Variants in GAPVD1 observed in about 807,000 individuals in gnomAD.
The protein encoded by GAPVD1 is GTPase activating protein and VPS9 domains 1.
Under a neutral mutation model 155.5 loss-of-function variants are expected in GAPVD1, and 35 were observed. That is an observed-to-expected ratio of 0.23 (90% CI 0.17 to 0.30). The LOEUF (loss-of-function observed/expected upper bound fraction) is 0.30. Among genes scored for constraint, GAPVD1 ranks in the 10% least tolerant of loss-of-function variants. GAPVD1 has a pLI of 1.00. For synonymous variants in GAPVD1, 636 were observed against 619.7 expected (o/e 1.03, Z -0.39); for missense variants, 1,429 against 1,775.7 (o/e 0.80, Z 3.51).
intron 5 of GAPVD1, among the ~76,000 whole-genome samples, chr9:125,304,794 CT>C (rs531318495): frequency 6.6e-6 from 1 of 152,040 alleles, no homozygotes; most frequent in African/African-American, 2.4e-5. Context: ...ATGTATTGTG[CT>C]TTTTTTCCCT....
chr9:125,333,329 C>T (rs1436142360), intron 15 of GAPVD1, among the ~76,000 whole-genome samples: 2 of 152,032 alleles, frequency 1.3e-5, no homozygotes, highest in Non-Finnish European at 1.5e-5. Context: ...ATCCACCTGC[C>T]TCGGCCTCCC....
chr9:125,310,563 G>C (rs1371729388), intron 8 of GAPVD1, among the ~76,000 whole-genome samples: 2 of 148,032 alleles, frequency 1.4e-5, no homozygotes, highest in African/African-American at 5.0e-5. Flanking sequence ...TTTTGAGGCG[G>C]AGTCTAGCTC....
intron 15 of GAPVD1, among the ~76,000 whole-genome samples, chr9:125,333,208 G>A (rs1846338783): frequency 6.6e-6 from 1 of 151,830 alleles, no homozygotes; most frequent in African/African-American, 2.4e-5. Flanking sequence ...AGCCTCCCCA[G>A]TAGCTTGGAT....
Position 125,302,887 on chromosome 9 carries a change from TG to T in GAPVD1, c.1029+66del, listed in dbSNP as rs1841119580. On this transcript the variant is annotated intron_variant, in intron 5 of 27. Coordinates refer to ENST00000297933, the MANE Select transcript of GAPVD1 (RefSeq NM_001282680.3). ...GTTTAAAATTCAGTTGATTGGGCTG[TG>T]GGGGTGGGAACAAATAATACGATGA... 13 of 1,526,632 alleles carry T rather than the reference TG, an allele frequency of 8.5e-6. No individual in the cohort carries two copies. In the South Asian group the frequency reaches 1.6e-4, roughly 19 times the overall value. 94.6% of individuals were successfully genotyped at this position (1,526,632 alleles called of 1,614,324 possible). A position where few individuals can be genotyped will look rare whatever the true frequency, so the allele number is the denominator to read the frequency against.
In GAPVD1 at chr9:125,365,633, C is replaced by G. The variant is rs1164484833; in HGVS notation, c.*2887C>G. 3 of 152,166 alleles carry G rather than the reference C, an allele frequency of 2.0e-5. No individual in the cohort carries two copies. Among genetic ancestry groups the G allele is most frequent in the African/African-American group, 7.2e-5 (3 of 41,452 alleles). 9.4% of individuals were successfully genotyped at this position (152,166 alleles called of 1,614,324 possible). A position where few individuals can be genotyped will look rare whatever the true frequency, so the allele number is the denominator to read the frequency against. On this transcript the variant is annotated 3_prime_UTR_variant, in exon 28 of 28. Coordinates refer to ENST00000297933, the MANE Select transcript of GAPVD1 (RefSeq NM_001282680.3). Reference sequence around the variant, plus strand: ...ACAAGTTGAAGATTGTCTTTACTTACAAAATTATATTTTAATTTTTTTTGA... The same window carrying G: ...ACAAGTTGAAGATTGTCTTTACTTAGAAAATTATATTTTAATTTTTTTTGA...
chr9:125,297,141 T>C (rs1840016812), intron 3 of GAPVD1, among the ~76,000 whole-genome samples: 1 of 152,234 alleles, frequency 6.6e-6, no homozygotes, highest in African/African-American at 2.4e-5. Context: ...TTGTATCAGT[T>C]TGTTTAGCTG....
rs369164476 is a variant in GAPVD1 at position 125,349,476 on chromosome 9, G to A, written c.3256G>A (p.Ala1086Thr). 6.2e-7 allele frequency: 1 copy of A among 1,613,976 alleles called. No individual in the cohort carries two copies. The highest frequency in any genetic ancestry group is 1.3e-5 in the African/African-American group (1 of 75,012). The change falls in exon 21 of 28, where the codon GCA (alanine) becomes ACA (threonine). Residue 1086 changes from alanine to threonine, a missense_variant. By Grantham distance (58) the Ala-to-Thr change is moderately conservative (BLOSUM62 0). This residue lies in a region of GAPVD1 where 699 missense variants were observed against 826.0 expected (regional missense o/e 0.85). Coordinates refer to ENST00000297933, the MANE Select transcript of GAPVD1 (RefSeq NM_001282680.3). ...CTCGGCTGATGATCTCCCAGACTCT[G>A]CAAGCCAAGCAGCCCACCCGCAGGA... ...NISADDLPDS[A>T]SQAAHPQDSA... is the part of the protein sequence containing the mutation.
intron 2 of GAPVD1, among the ~76,000 whole-genome samples, chr9:125,273,662 T>C (rs1835266712): frequency 6.6e-6 from 1 of 152,034 alleles, no homozygotes; most frequent in Admixed American, 6.6e-5. Context: ...GGGTCTCAGG[T>C]GATCGGTGAT....
intron 2 of GAPVD1, among the ~76,000 whole-genome samples, chr9:125,270,051 A>G (rs1238415230): frequency 6.6e-6 from 1 of 151,686 alleles, no homozygotes; most frequent in Non-Finnish European, 1.5e-5. Context: ...AGGACCAATA[A>G]TTTTTTTTAC....
At chr9:125,355,061 T>C (rs2132524113) in intron 24 of GAPVD1, among the ~76,000 whole-genome samples, 1 of 152,362 alleles carries the variant, frequency 6.6e-6, no homozygotes, top group Middle Eastern at 3.4e-3. Flanking sequence ...ATTGGGGACA[T>C]TGGTAAATTT....
chr9:125,279,661 T>C (rs1193602151), intron 2 of GAPVD1, among the ~76,000 whole-genome samples: 7 of 151,240 alleles, frequency 4.6e-5, no homozygotes, highest in Non-Finnish European at 7.4e-5. Context: ...TCTGCCAAAG[T>C]GTAGGCATCG....
At chr9:125,269,687 C>T (rs554773934) in intron 2 of GAPVD1, among the ~76,000 whole-genome samples, 17 of 138,194 alleles carry the variant, frequency 1.2e-4, no homozygotes, top group Admixed American at 8.9e-4. Context: ...GCTGGGATTA[C>T]AGGCATGAGC....
chr9:125,355,600 T>G (rs757892336), intron 24 of GAPVD1, 44 bp from the exon 25 acceptor site: 1 of 1,114,110 alleles, frequency 9.0e-7, no homozygotes, highest in East Asian at 2.6e-5. Context: ...ATTATTTAGA[T>G]AGTTTTTATT....
chr9:125,293,886 A>ATATATATAAATATAT (rs1564312351), intron 2 of GAPVD1, among the ~76,000 whole-genome samples: 4 of 98,290 alleles, frequency 4.1e-5, no homozygotes, highest in African/African-American at 1.5e-4. Flanking sequence ...ATATATATAT[A>ATATATATAAATATAT]TATATATATA....
At chr9:125,282,744 C>T (rs1394473041) in intron 2 of GAPVD1, among the ~76,000 whole-genome samples, 1 of 152,090 alleles carries the variant, frequency 6.6e-6, no homozygotes, top group Non-Finnish European at 1.5e-5. Context: ...GGCATCATCC[C>T]AATTTTGAAG....
chr9:125,329,633 GGT>G (rs1491389944), intron 12 of GAPVD1, among the ~76,000 whole-genome samples: 3 of 113,260 alleles, frequency 2.6e-5, no homozygotes, highest in Non-Finnish European at 3.7e-5. Flanking sequence ...GGAATTTGGT[GGT>G]TTTTTTTTTT....
chr9:125,263,910 G>T, intron 1 of GAPVD1: 1 of 1,440,850 alleles, frequency 6.9e-7, no homozygotes, highest in Non-Finnish European at 9.7e-7. Flanking sequence ...CAGTAGAAAT[G>T]TCTCCAGGCA....
intron 27 of GAPVD1, 58 bp downstream of exon 27, chr9:125,360,783 A>G: frequency 8.0e-7 from 1 of 1,251,900 alleles, no homozygotes; most frequent in Non-Finnish European, 1.2e-6. Flanking sequence ...CAGGTGGCAC[A>G]GGGCTTCACA....
At chr9:125,332,672 C>T (rs775962623) in intron 15 of GAPVD1, 43 bp downstream of exon 15, 18 of 1,570,052 alleles carry the variant, frequency 1.1e-5, no homozygotes, top group African/African-American at 8.2e-5. Flanking sequence ...TGACCACATC[C>T]GTGGTTGAAA....
Sources: allele counts gnomAD v4.1 joint callset (sites outside exome capture counted in the v4.1 genomes callset), GRCh38; gene constraint gnomAD v4.1.1; regional missense constraint gnomAD v4.1.1; transcripts MANE v1.5; gene names NCBI Gene and HGNC (gene_info 2026-07-23, HGNC 2026-07-21).